Variants in YAF2 observed in about 807,000 individuals in gnomAD.
The protein encoded by YAF2 is YY1-associated factor 2.
YAF2 carries 7 observed loss-of-function variants against 20.1 expected under a neutral mutation model. That is an observed-to-expected ratio of 0.35 (90% CI 0.20 to 0.65). The LOEUF (loss-of-function observed/expected upper bound fraction) is 0.65. YAF2 is among the 30% of genes least tolerant of loss of function. The pLI is 0.69. For missense variants in YAF2, 151 were observed against 219.2 expected, an observed-to-expected ratio of 0.69 and a Z score of 1.96; for synonymous variants, 74 against 76.0, an observed-to-expected ratio of 0.97 and a Z score of 0.14.
At chr12:42,234,365 A>T (rs2068078674) in intron 2 of YAF2, 3 of 985,316 alleles carry the variant, frequency 3.0e-6, no homozygotes, top group Non-Finnish European at 3.6e-6. Context: ...AGCACAATGT[A>T]AAAAATTTTG....
At chr12:42,232,733 A>G (rs2068019970) in intron 2 of YAF2, 2 of 985,306 alleles carry the variant, frequency 2.0e-6, no homozygotes, top group Non-Finnish European at 2.4e-6. Flanking sequence ...CAAGAAAACA[A>G]CGATGCTGAA....
At chr12:42,187,962 G>A (rs561191690) in intron 2 of YAF2, among the ~76,000 whole-genome samples, 40 of 152,300 alleles carry the variant, frequency 2.6e-4, no homozygotes, top group African/African-American at 7.9e-4. Flanking sequence ...CCTATGAGCC[G>A]TCTTGGAAGA....
chr12:42,214,882 C>T (rs771895002), intron 2 of YAF2, among the ~76,000 whole-genome samples: 3 of 151,816 alleles, frequency 2.0e-5, no homozygotes, highest in African/African-American at 2.4e-5. Flanking sequence ...CAGGCGCCTG[C>T]GGTCCCAGCT....
At chr12:42,196,927 G>A (rs1025376104) in intron 2 of YAF2, among the ~76,000 whole-genome samples, 1 of 152,178 alleles carries the variant, frequency 6.6e-6, no homozygotes, top group African/African-American at 2.4e-5. Flanking sequence ...AGGCAGTGAA[G>A]ATTTAAACAG....
At chr12:42,203,641 A>G (rs1169684183) in intron 2 of YAF2, among the ~76,000 whole-genome samples, 2 of 151,676 alleles carry the variant, frequency 1.3e-5, no homozygotes, top group Non-Finnish European at 2.9e-5. Context: ...AAATTTATCT[A>G]GATTTTTTCC....
chr12:42,201,942 C>A (rs966503715), intron 2 of YAF2, among the ~76,000 whole-genome samples: 3 of 152,166 alleles, frequency 2.0e-5, no homozygotes, highest in Admixed American at 1.3e-4. Context: ...ATGTCTTTAA[C>A]CTTGATGGTT....
At chr12:42,237,134 T>C (rs951830174) in intron 2 of YAF2, among the ~76,000 whole-genome samples, 2 of 152,156 alleles carry the variant, frequency 1.3e-5, no homozygotes, top group Non-Finnish European at 2.9e-5. Context: ...CTTCCAGAAG[T>C]ACATGTAGAA....
intron 2 of YAF2, among the ~76,000 whole-genome samples, chr12:42,179,770 T>C (rs1432614547): frequency 4.1e-5 from 5 of 121,664 alleles, no homozygotes; most frequent in Non-Finnish European, 6.4e-5. Context: ...GGCAATGAAG[T>C]GAGACCCTGT....
chr12:42,161,527 A>C, intron 3 of YAF2, 86 bp downstream of exon 3: 1 of 1,388,618 alleles, frequency 7.2e-7, no homozygotes, highest in African/African-American at 1.5e-5. Context: ...TTTTACTTCC[A>C]CTTTGTGTAT....
intron 2 of YAF2, among the ~76,000 whole-genome samples, chr12:42,220,934 T>C (rs2067493798): frequency 6.6e-6 from 1 of 152,150 alleles, no homozygotes; most frequent in South Asian, 2.1e-4. Flanking sequence ...CTTACTGGTA[T>C]TTCTCCTGAG....
rs1442973756 is a variant in YAF2 at position 42,158,699 on chromosome 12, T to C, written c.*1890A>G. 1 of 152,182 alleles carries C rather than the reference T, an allele frequency of 6.6e-6. No individual in the cohort carries two copies. Among genetic ancestry groups the C allele is most frequent in the Admixed American group, 6.5e-5 (1 of 15,274 alleles). 9.4% of individuals were successfully genotyped at this position (152,182 alleles called of 1,614,324 possible). A position where few individuals can be genotyped will look rare whatever the true frequency, so the allele number is the denominator to read the frequency against. On this transcript the variant is annotated 3_prime_UTR_variant, in exon 4 of 4. Coordinates refer to ENST00000534854, the MANE Select transcript of YAF2 (RefSeq NM_005748.6). ...AAAGATGAGTATCTTCCCACCTATG[T>C]AGAAATATGAGTATGCTCCATTCAG...
At chr12:42,229,592 G>T (rs1234731382) in intron 2 of YAF2, among the ~76,000 whole-genome samples, 1 of 152,118 alleles carries the variant, frequency 6.6e-6, no homozygotes, top group Non-Finnish European at 1.5e-5. Context: ...ATACAGCCAT[G>T]CATCATTTAA....
chr12:42,231,826 A>G (rs544950108), intron 2 of YAF2: 12 of 152,352 alleles, frequency 7.9e-5, no homozygotes, highest in Non-Finnish European at 1.8e-4. Context: ...TTTCACTTGA[A>G]TGATTATCAC....
chr12:42,237,780 G>A (rs1256162731), intron 1 of YAF2, 56 bp from the exon 2 acceptor site: 12 of 1,280,306 alleles, frequency 9.4e-6, no homozygotes, highest in Non-Finnish European at 1.2e-5. Flanking sequence ...GGCCGCGCCC[G>A]GTGCCCGGGC....
At chr12:42,222,479 C>T (rs1307885194) in intron 2 of YAF2, among the ~76,000 whole-genome samples, 2 of 152,196 alleles carry the variant, frequency 1.3e-5, no homozygotes, top group Non-Finnish European at 2.9e-5. Context: ...AGCGGACCAT[C>T]TTCCTCACCA....
intron 2 of YAF2, among the ~76,000 whole-genome samples, chr12:42,215,620 T>C (rs1346029063): frequency 6.7e-6 from 1 of 149,422 alleles, no homozygotes; most frequent in Non-Finnish European, 1.5e-5. Flanking sequence ...CTCCCAGGAG[T>C]TTTCAAAGCT....
At chr12:42,163,409 A>G (rs1048364355) in intron 2 of YAF2, among the ~76,000 whole-genome samples, 3 of 152,168 alleles carry the variant, frequency 2.0e-5, no homozygotes, top group African/African-American at 7.2e-5. Context: ...AAGGTACTAC[A>G]CTACAGTAGA....
At position 42,234,478 on chromosome 12, in the gene YAF2, C is replaced by A. The variant is rs139992728; in HGVS notation, c.152+3121G>T. The A allele has an allele frequency of 1.5e-4, 143 of 980,000 alleles. No individual in the cohort carries two copies. In the African/African-American group the frequency reaches 2.3e-3, roughly 16 times the overall value. The allele number at this position is 980,000 out of a possible 1,614,324, so 60.7% of individuals were successfully genotyped here. A position where few individuals can be genotyped will look rare whatever the true frequency, so the allele number is the denominator to read the frequency against. ...ACCACTCTGCAATATACCCAAGTAA[C>A]AAACATGCACATGTACCCCAAAATC... On this transcript the variant is annotated intron_variant, in intron 2 of 3. Coordinates refer to ENST00000534854, the MANE Select transcript of YAF2 (RefSeq NM_005748.6).
At chr12:42,199,339 G>A in intron 2 of YAF2, 4 of 523,458 alleles carry the variant, frequency 7.6e-6, no homozygotes, top group South Asian at 2.7e-5. Context: ...CTTTGTTTCA[G>A]GATTTACTCA....
Sources: allele counts gnomAD v4.1 joint callset (sites outside exome capture counted in the v4.1 genomes callset), GRCh38; gene constraint gnomAD v4.1.1; transcripts MANE v1.5; gene names NCBI Gene and HGNC (gene_info 2026-07-23, HGNC 2026-07-21).